KIAA1549: variants seen among roughly 807,000 people sequenced by gnomAD.
KIAA1549 encodes UPF0606 protein KIAA1549.
KIAA1549 carries 70 observed loss-of-function variants against 156.4 expected under a neutral mutation model. The ratio of observed to expected loss-of-function variants is 0.45; its 90% confidence interval spans 0.37 to 0.55. The LOEUF (loss-of-function observed/expected upper bound fraction) is 0.55, where lower values mean the gene tolerates loss of function less well. Among genes scored for constraint, KIAA1549 ranks in the 20% least tolerant of loss-of-function variants. The probability of loss-of-function intolerance (pLI) is 0.00; values close to 1 mark genes in which losing one functional copy is unlikely to be tolerated. For missense variants in KIAA1549, 2,428 were observed against 2,540.9 expected, an observed-to-expected ratio of 0.96 and a Z score of 0.96; for synonymous variants, 1,103 against 1,066.4, an observed-to-expected ratio of 1.03 and a Z score of -0.67.
In KIAA1549 at chr7:138,918,726, C is replaced by T. The variant is rs926489756; in HGVS notation, c.900G>A (p.Pro300=). ...GTGAGACCTCCCCCAAGGAGGGCAA[C>T]GGTATAGTAATGCCGTCGCCTAACG... ...PQPLGDGITI[P]LPSLGEVSQP... The change falls in exon 2 of 20, where the codon CCG becomes CCA. Residue 300 remains proline (P), a synonymous_variant. Transcript: ENST00000422774. This position sits in a 1 kb window ranked among gnomAD's most constrained non-coding sequence, Gnocchi z 4.2. The T allele has an allele frequency of 3.7e-6, 6 of 1,613,678 alleles. No individual in the cohort carries two copies. The highest frequency in any genetic ancestry group is 1.3e-5 in the African/African-American group (1 of 74,880).
chr7:138,903,850 T>TGCGCGC lies in KIAA1549; in HGVS notation c.3521-115_3521-114insGCGCGC, dbSNP rs1811926240. 8.2e-6 allele frequency: 3 copies of TGCGCGC among 367,028 alleles called. No homozygotes were observed. In the Admixed American group the frequency reaches 2.0e-4, roughly 24 times the overall value. 22.7% of individuals were successfully genotyped at this position (367,028 alleles called of 1,614,324 possible). ...GTGTGTGTGTGTGTGTGTGTGTGTG[T>TGCGCGC]GTGCGCGCGCGCGCGCGCGCACATA... On this transcript the variant is annotated intron_variant, in intron 7 of 19. Coordinates refer to ENST00000422774, the MANE Select transcript of KIAA1549 (RefSeq NM_001164665.2).
At chr7:138,890,188 G>C (rs187701139) in intron 10 of KIAA1549, among the ~76,000 whole-genome samples, 92 of 152,314 alleles carry the variant, frequency 6.0e-4, no homozygotes, top group African/African-American at 2.1e-3. Flanking sequence ...CTGGTGGGCA[G>C]GTCAGCCAAG....
chr7:138,857,794 G>C (rs1308498032), intron 16 of KIAA1549, among the ~76,000 whole-genome samples: 7 of 152,080 alleles, frequency 4.6e-5, no homozygotes, highest in Non-Finnish European at 1.0e-4. Context: ...TATTAACATA[G>C]CCATTCCAGC....
chr7:138,919,324 G>A lies in KIAA1549; in HGVS notation c.302C>T (p.Ser101Phe), dbSNP rs769532650. Residue 101 changes from serine to phenylalanine, a missense_variant, in exon 2 of 20, where the codon TCC becomes TTC. Ser to Phe is a radical substitution (Grantham distance 155). Coordinates refer to ENST00000422774, the MANE Select transcript of KIAA1549 (RefSeq NM_001164665.2). ...GACATGGAGAGGACTGCTGTGCTGGGAGCCGGGAGCAGTTTCTGTTAAGGC... is the reference window on the plus strand; with the variant it reads ...GACATGGAGAGGACTGCTGTGCTGGAAGCCGGGAGCAGTTTCTGTTAAGGC... ...QVALTETAPGSQHSSPLHVTA... is the reference protein window; with the variant it reads ...QVALTETAPGFQHSSPLHVTA... The A allele has an allele frequency of 4.3e-6, 7 of 1,614,008 alleles. No individual in the cohort carries two copies. The highest frequency in any genetic ancestry group is 5.9e-6 in the Non-Finnish European group (7 of 1,179,894).
chr7:138,910,700 A>T (rs1485779542), intron 4 of KIAA1549, among the ~76,000 whole-genome samples: 5 of 112,028 alleles, frequency 4.5e-5, no homozygotes, highest in African/African-American at 7.7e-5. Context: ...ACTTGGTCTA[A>T]TTTTTTTTTT....
At chr7:138,943,368 T>C (rs552554604) in intron 1 of KIAA1549, among the ~76,000 whole-genome samples, 5 of 152,168 alleles carry the variant, frequency 3.3e-5, no homozygotes, top group Non-Finnish European at 7.4e-5. Context: ...GCCGGCAGTC[T>C]CAGTCACAGC....
At chr7:138,943,828 G>A (rs542735317) in intron 1 of KIAA1549, among the ~76,000 whole-genome samples, 38 of 151,220 alleles carry the variant, frequency 2.5e-4, no homozygotes, top group African/African-American at 8.5e-4. Flanking sequence ...CAGCCTGGGC[G>A]ACAGAGTGAG....
intron 1 of KIAA1549, among the ~76,000 whole-genome samples, chr7:138,965,800 T>C (rs1487992041): frequency 6.6e-6 from 1 of 152,250 alleles, no homozygotes; most frequent in Admixed American, 6.5e-5. Flanking sequence ...TGCTTTTTAA[T>C]TTATACCTTC....
intron 1 of KIAA1549, among the ~76,000 whole-genome samples, chr7:138,980,837 A>G (rs2130586867): frequency 6.6e-6 from 1 of 152,346 alleles, no homozygotes; most frequent in East Asian, 1.9e-4. Flanking sequence ...CATGGACAAG[A>G]GAACAGCTTT....
chr7:138,869,996 C>G (rs145108479), intron 13 of KIAA1549, among the ~76,000 whole-genome samples: 1 of 152,050 alleles, frequency 6.6e-6, no homozygotes, highest in Admixed American at 6.6e-5. Context: ...ATTACAGACA[C>G]GCACCATCAT....
At chr7:138,958,883 T>G (rs1813752541) in intron 1 of KIAA1549, among the ~76,000 whole-genome samples, 1 of 122,074 alleles carries the variant, frequency 8.2e-6, no homozygotes, top group African/African-American at 3.3e-5. Context: ...AGCCCAAAGG[T>G]TTTTTTTTTG....
chr7:138,940,538 G>A (rs1813154242), intron 1 of KIAA1549, among the ~76,000 whole-genome samples: 1 of 151,604 alleles, frequency 6.6e-6, no homozygotes, highest in South Asian at 2.1e-4. Flanking sequence ...CCAGTAATGG[G>A]ATGGCTGGGT....
At chr7:138,962,046 T>C (rs899023244) in intron 1 of KIAA1549, among the ~76,000 whole-genome samples, 1 of 152,188 alleles carries the variant, frequency 6.6e-6, no homozygotes, top group Admixed American at 6.5e-5. Context: ...AAGGATGCAC[T>C]GGAGTGTGAA....
chr7:138,942,778 C>G (rs976218812), intron 1 of KIAA1549, among the ~76,000 whole-genome samples: 1 of 151,956 alleles, frequency 6.6e-6, no homozygotes, highest in Non-Finnish European at 1.5e-5. Flanking sequence ...GGCATGGTGG[C>G]GGGCACCTGC....
intron 1 of KIAA1549, among the ~76,000 whole-genome samples, chr7:138,966,764 C>G (rs190694320): frequency 2.0e-4 from 30 of 152,188 alleles, no homozygotes; most frequent in African/African-American, 6.5e-4. Flanking sequence ...TTGCATCCTT[C>G]AATCCAATCG....
rs577964601 is a variant in KIAA1549 at position 138,858,816 on chromosome 7, G to A, written c.5247+2323C>T. Among the ~76,000 whole-genome samples the A allele has an allele frequency of 3.0e-4, 46 of 152,108 alleles. No individual in the cohort carries two copies. The South Asian group carries it at 9.6e-3, about 32-fold the overall frequency. On this transcript the variant is annotated intron_variant, in intron 16 of 19. Coordinates refer to ENST00000422774, the MANE Select transcript of KIAA1549 (RefSeq NM_001164665.2). ...AGGTCAGGAGATCGAGACCATCCTG[G>A]CTACATGGTGAAACCCTATCTCTAC...
At chr7:138,894,272 C>T in intron 10 of KIAA1549, 70 bp downstream of exon 10, 1 of 1,464,344 alleles carries the variant, frequency 6.8e-7, no homozygotes, top group South Asian at 1.2e-5. Flanking sequence ...GTATCAAGAG[C>T]CCAAACTCAT....
intron 10 of KIAA1549, among the ~76,000 whole-genome samples, chr7:138,889,102 A>G (rs1322314457): frequency 6.6e-6 from 1 of 152,200 alleles, no homozygotes; most frequent in East Asian, 1.9e-4. Flanking sequence ...TATACTTCCC[A>G]TTAAGAAAGT....
rs1044614437 is a variant in KIAA1549, at chr7:138,917,226, A to C, written c.2400T>G (p.Thr800=). 1 of 1,614,022 alleles carries C rather than the reference A, an allele frequency of 6.2e-7. No homozygotes were observed. Among genetic ancestry groups the C allele is most frequent in the East Asian group, 2.2e-5 (1 of 44,886 alleles). The change falls in exon 2 of 20, where the codon ACT becomes ACG. Residue 800 remains threonine, a synonymous_variant. Transcript: ENST00000422774. ...LTTVHTTPIL[T]ESSLFSTLTP... Reference sequence around the variant, plus strand: ...TCAGAGTTGAGAACAAAGAAGACTCAGTTAAAATGGGCGTTGTGTGGACAG... The same window carrying C: ...TCAGAGTTGAGAACAAAGAAGACTCCGTTAAAATGGGCGTTGTGTGGACAG...
Sources: gnomAD v4.1 joint callset for allele counts (sites outside exome capture counted in the v4.1 genomes callset) on GRCh38, gnomAD v4.1.1 for gene constraint, Gnocchi (gnomAD v3.1) non-coding constraint, MANE v1.5 for transcripts, NCBI Gene and HGNC (gene_info 2026-07-23, HGNC 2026-07-21) for gene names.